The following ATG3 variants were observed in gnomAD, a reference collection of about 807,000 sequenced individuals.
The protein encoded by ATG3 is ubiquitin-like-conjugating enzyme ATG3.
In ATG3, 25 loss-of-function variants were observed where a neutral mutation model predicts 50.7. That is an observed-to-expected ratio of 0.49 (90% CI 0.36 to 0.69). ATG3 has a LOEUF of 0.69. Ranked by LOEUF, ATG3 falls within the 30% of genes least tolerant of loss-of-function variation. The probability of loss-of-function intolerance (pLI) is 0.00; values close to 1 mark genes in which losing one functional copy is unlikely to be tolerated. For synonymous variants in ATG3, 119 were observed against 125.5 expected, an observed-to-expected ratio of 0.95 and a Z score of 0.34; for missense variants, 281 against 376.0, an observed-to-expected ratio of 0.75 and a Z score of 2.09.
intron 5 of ATG3, 41 bp from the exon 6 acceptor site, chr3:112,544,147 T>C: frequency 6.8e-7 from 1 of 1,465,768 alleles, no homozygotes; most frequent in South Asian, 1.2e-5. Flanking sequence ...AAAATTAAAC[T>C]GTAAACACCC....
chr3:112,541,468 T>C (rs1003304201), intron 7 of ATG3, among the ~76,000 whole-genome samples: 1 of 151,984 alleles, frequency 6.6e-6, no homozygotes, highest in Non-Finnish European at 1.5e-5. Flanking sequence ...GAAAAGAAAA[T>C]ACAAAATGCA....
chr3:112,561,183 C>T (rs1933857202), intron 1 of ATG3, among the ~76,000 whole-genome samples: 1 of 152,212 alleles, frequency 6.6e-6, no homozygotes, highest in African/African-American at 2.4e-5. Context: ...CTCCGAACAC[C>T]CTTCCAACCC....
At chr3:112,561,356 A>AG in intron 1 of ATG3, 101 bp downstream of exon 1, 1 of 1,269,084 alleles carries the variant, frequency 7.9e-7, no homozygotes. Context: ...CTGCCTTCCT[A>AG]CACCTTGCCC....
At position 112,550,219 on chromosome 3, in the gene ATG3, C is replaced by T; in HGVS notation, c.208G>A (p.Gly70Ser). The change falls in exon 4 of 12, where the codon GGC (glycine) becomes AGC (serine). Residue 70 changes from glycine to serine, a missense_variant. Coordinates refer to ENST00000283290, the MANE Select transcript of ATG3 (RefSeq NM_022488.5). ...ELKVKAYLPT[G>S]KQFLVTKNVP... ...TTTTTGGTTACCAAAAATTGTTTGC[C>T]TGTTGGTAGGTATGCCTTCACTTTC... 1.2e-6 allele frequency: 2 copies of T among 1,612,806 alleles called. No homozygotes were observed. Among genetic ancestry groups the T allele is most frequent in the Non-Finnish European group, 1.7e-6 (2 of 1,179,502 alleles).
chr3:112,533,743 T>C (rs995459618), intron 11 of ATG3: 9 of 985,270 alleles, frequency 9.1e-6, no homozygotes, highest in Non-Finnish European at 1.1e-5. Flanking sequence ...ATTACTTTTG[T>C]CAATCCAAGA....
At chr3:112,560,812 A>T (rs1019910411) in intron 1 of ATG3, among the ~76,000 whole-genome samples, 2 of 152,230 alleles carry the variant, frequency 1.3e-5, no homozygotes, top group Non-Finnish European at 2.9e-5. Flanking sequence ...ATATATTTTT[A>T]AAAATTATAC....
chr3:112,546,753 G>C (rs1164500080), intron 5 of ATG3, among the ~76,000 whole-genome samples: 1 of 152,178 alleles, frequency 6.6e-6, no homozygotes, highest in Non-Finnish European at 1.5e-5. Context: ...AGTCAACAGA[G>C]AATTTCCTAC....
In ATG3 at chr3:112,561,840, A is replaced by C; in HGVS notation, c.-312T>G. On this transcript the variant is annotated 5_prime_UTR_variant, in exon 1 of 12. Transcript: ENST00000283290. ...GACCTGAGGTGAGAAGCGGACGCACACGCACCCCTCGCCCTCTGCGAGCTG... is the reference window on the plus strand; with the variant it reads ...GACCTGAGGTGAGAAGCGGACGCACCCGCACCCCTCGCCCTCTGCGAGCTG... The C allele has an allele frequency of 2.7e-6, 1 of 374,438 alleles. No individual in the cohort carries two copies. The highest frequency in any genetic ancestry group is 4.8e-6 in the Non-Finnish European group (1 of 206,440). The allele number at this position is 374,438 out of a possible 1,614,324, so 23.2% of individuals were successfully genotyped here.
chr3:112,541,494 G>T (rs1174272624), intron 7 of ATG3, among the ~76,000 whole-genome samples: 2 of 152,170 alleles, frequency 1.3e-5, no homozygotes, highest in Non-Finnish European at 2.9e-5. Flanking sequence ...AGCAAACTTT[G>T]TTCTGCTCTG....
chr3:112,555,812 G>A (rs1269008135), intron 2 of ATG3, among the ~76,000 whole-genome samples: 5 of 152,122 alleles, frequency 3.3e-5, no homozygotes, highest in Admixed American at 3.3e-4. Context: ...GGCTAATTTG[G>A]CCTTGGATTT....
chr3:112,555,074 C>T (rs1279263315), intron 2 of ATG3, among the ~76,000 whole-genome samples: 1 of 151,958 alleles, frequency 6.6e-6, no homozygotes, highest in Non-Finnish European at 1.5e-5. Context: ...TAAATGAAAG[C>T]AAAATAATTA....
rs1352363780 is a variant in ATG3 at position 112,548,560 on chromosome 3, C to T, written c.316G>A (p.Gly106Arg). 4.3e-6 allele frequency: 7 copies of T among 1,613,346 alleles called. No homozygotes were observed. The highest frequency in any genetic ancestry group is 2.7e-5 in the African/African-American group (2 of 74,866). ...GTGTTGTGATATGTATCTACCCATCCGCCATCACCATCATCTTCTTCAATG... is the reference window on the plus strand; with the variant it reads ...GTGTTGTGATATGTATCTACCCATCTGCCATCACCATCATCTTCTTCAATG... ...AIIEEDDGDGGWVDTYHNTGI... is the reference protein window; with the variant it reads ...AIIEEDDGDGRWVDTYHNTGI... Residue 106 changes from glycine to arginine, a missense_variant, in exon 5 of 12, where the codon GGA becomes AGA. By Grantham distance (125) the Gly-to-Arg change is moderately radical (BLOSUM62 -2). Coordinates refer to ENST00000283290, the MANE Select transcript of ATG3 (RefSeq NM_022488.5).
chr3:112,542,568 A>G (rs1415388283), intron 6 of ATG3, among the ~76,000 whole-genome samples: 1 of 152,108 alleles, frequency 6.6e-6, no homozygotes, highest in African/African-American at 2.4e-5. Flanking sequence ...AACACTAGAA[A>G]CTTAAGTCAT....
chr3:112,541,794 C>T lies in ATG3; in HGVS notation c.475+9G>A, dbSNP rs769514914. ...TAGTGGAACTGAAGCAAATCTAGAA[C>T]AGGAATACCTTCCATATCTGCAGCT... On this transcript the variant is annotated intron_variant, in intron 7 of 11. Coordinates refer to ENST00000283290, the MANE Select transcript of ATG3 (RefSeq NM_022488.5). 3 of 1,603,636 alleles carry T rather than the reference C, an allele frequency of 1.9e-6. No homozygotes were observed. Among genetic ancestry groups the T allele is most frequent in the Non-Finnish European group, 2.6e-6 (3 of 1,173,506 alleles).
At chr3:112,534,224 G>C in intron 11 of ATG3, 45 bp downstream of exon 11, 1 of 1,528,346 alleles carries the variant, frequency 6.5e-7, no homozygotes, top group South Asian at 1.2e-5. Flanking sequence ...AAAAAAAATC[G>C]TTAACAGCCA....
chr3:112,547,125 A>G (rs1324289616), intron 5 of ATG3, among the ~76,000 whole-genome samples: 2 of 152,198 alleles, frequency 1.3e-5, no homozygotes, highest in Non-Finnish European at 2.9e-5. Context: ...TTTTTCCCCC[A>G]ACAGAACATT....
At position 112,536,659 on chromosome 3, in the gene ATG3, C is replaced by T. The variant is rs530382693; in HGVS notation, c.667-57G>A. ...ATTTAAGGCCGGGTGCAGTGGCTCA[C>T]GCCTGTAATCCCAGCACTGTGGGAG... On this transcript the variant is annotated intron_variant, in intron 9 of 11. Transcript: ENST00000283290. 3.2e-5 allele frequency: 50 copies of T among 1,585,492 alleles called. No individual in the cohort carries two copies. The Admixed American group carries it at 3.7e-4, about 12-fold the overall frequency.
intron 1 of ATG3, among the ~76,000 whole-genome samples, chr3:112,558,853 C>T (rs184104269): frequency 3.3e-5 from 5 of 152,206 alleles, no homozygotes; most frequent in African/African-American, 1.2e-4. Flanking sequence ...TCTCCTGCCT[C>T]AGCCTCCTGC....
In ATG3 at chr3:112,555,928, A is replaced by G. The variant is rs139348779; in HGVS notation, c.114+2448T>C. On this transcript the variant is annotated intron_variant, in intron 2 of 11. Transcript: ENST00000283290. ...TGAAACTGCTTAATTCTATCCAATGACCACAGACTTTGCATCTCTAACTGC... is the reference window on the plus strand; with the variant it reads ...TGAAACTGCTTAATTCTATCCAATGGCCACAGACTTTGCATCTCTAACTGC... Among the ~76,000 whole-genome samples, 289 of 152,324 alleles carry G rather than the reference A, an allele frequency of 1.9e-3. 1 individual carries two copies. Among genetic ancestry groups the G allele is most frequent in the Non-Finnish European group, 3.6e-3 (242 of 68,038 alleles).
Sources: allele counts gnomAD v4.1 joint callset (sites outside exome capture counted in the v4.1 genomes callset), GRCh38; gene constraint gnomAD v4.1.1; transcripts MANE v1.5; gene names NCBI Gene and HGNC (gene_info 2026-07-23, HGNC 2026-07-21).